IKZF3: variants seen among roughly 807,000 people sequenced by gnomAD.
The protein encoded by IKZF3 is IKAROS family zinc finger 3.
IKZF3 carries 10 observed loss-of-function variants against 49.0 expected under a neutral mutation model. The observed-to-expected ratio is 0.20, with a 90% CI of 0.13 to 0.35. The LOEUF is 0.35. Among genes scored for constraint, IKZF3 ranks in the 10% least tolerant of loss-of-function variants. IKZF3 has a pLI of 1.00. For synonymous variants in IKZF3, 209 were observed against 228.2 expected (o/e 0.92, Z 0.76); for missense variants, 498 against 664.8 (o/e 0.75, Z 2.76).
intron 7 of IKZF3, among the ~76,000 whole-genome samples, chr17:39,767,474 G>T (rs1356381495): frequency 4.6e-5 from 7 of 152,244 alleles, no homozygotes; most frequent in African/African-American, 1.4e-4. Flanking sequence ...AGGAAGTGGA[G>T]CCGAGTGCTG....
intron 1 of IKZF3, among the ~76,000 whole-genome samples, chr17:39,844,708 C>T (rs1000630226): frequency 6.6e-6 from 1 of 151,894 alleles, no homozygotes; most frequent in Non-Finnish European, 1.5e-5. Context: ...CGGCAACCTC[C>T]GCCTGCCCAG....
At chr17:39,850,742 A>G (rs1231796055) in intron 1 of IKZF3, among the ~76,000 whole-genome samples, 2 of 92,698 alleles carry the variant, frequency 2.2e-5, no homozygotes, top group East Asian at 2.6e-4. Flanking sequence ...AATAGGCTAT[A>G]TAGTATATAT....
chr17:39,818,219 T>C (rs1232522028), intron 3 of IKZF3, among the ~76,000 whole-genome samples: 1 of 152,232 alleles, frequency 6.6e-6, no homozygotes, highest in Non-Finnish European at 1.5e-5. Flanking sequence ...ACCACCACTG[T>C]TTTTGCAGTT....
intron 5 of IKZF3, among the ~76,000 whole-genome samples, chr17:39,789,540 G>A (rs557103051): frequency 6.6e-6 from 1 of 151,666 alleles, no homozygotes; most frequent in East Asian, 2.0e-4. Context: ...CCCAGCCTGG[G>A]CGGCAGAGTG....
At chr17:39,830,420 T>C (rs2062078440) in intron 2 of IKZF3, among the ~76,000 whole-genome samples, 2 of 152,146 alleles carry the variant, frequency 1.3e-5, no homozygotes, top group Non-Finnish European at 2.9e-5. Flanking sequence ...CTCTAACACA[T>C]GGTAGGCTCA....
chr17:39,803,122 C>T (rs897262715), intron 3 of IKZF3, among the ~76,000 whole-genome samples: 6 of 152,176 alleles, frequency 3.9e-5, no homozygotes, highest in African/African-American at 1.4e-4. Flanking sequence ...TCCAGCTGCT[C>T]AGCTGGGCTA....
chr17:39,798,532 G>A (rs563805092), intron 3 of IKZF3, among the ~76,000 whole-genome samples: 3 of 149,112 alleles, frequency 2.0e-5, no homozygotes, highest in Non-Finnish European at 4.4e-5. Flanking sequence ...TTGAGACGGA[G>A]TCTTTCTCTG....
chr17:39,801,728 A>G (rs1004203735), intron 3 of IKZF3, among the ~76,000 whole-genome samples: 4 of 152,208 alleles, frequency 2.6e-5, no homozygotes, highest in African/African-American at 7.2e-5. Flanking sequence ...TTTTAGAACT[A>G]AAGAGTAAGG....
chr17:39,767,802 C>T (rs868127910), intron 7 of IKZF3, among the ~76,000 whole-genome samples: 2 of 152,092 alleles, frequency 1.3e-5, no homozygotes, highest in African/African-American at 4.8e-5. Flanking sequence ...GTGGCTCAGG[C>T]CTGTAATCCT....
chr17:39,808,412 T>G (rs981596297), intron 3 of IKZF3, among the ~76,000 whole-genome samples: 22 of 152,228 alleles, frequency 1.4e-4, no homozygotes, highest in African/African-American at 5.1e-4. Flanking sequence ...ATTATCGATT[T>G]CAGACAAATA....
At chr17:39,820,395 CA>C (rs767333986) in intron 3 of IKZF3, among the ~76,000 whole-genome samples, 1 of 152,132 alleles carries the variant, frequency 6.6e-6, no homozygotes, top group Non-Finnish European at 1.5e-5. Flanking sequence ...TCAAAACTCA[CA>C]AAAAAGCCTG....
chr17:39,862,015 C>G, intron 1 of IKZF3, among the ~76,000 whole-genome samples: 1 of 152,046 alleles, frequency 6.6e-6, no homozygotes, highest in Middle Eastern at 3.2e-3. Flanking sequence ...ACCTCATTTC[C>G]CGACCATAAC....
intron 3 of IKZF3, among the ~76,000 whole-genome samples, chr17:39,813,923 G>A (rs982494264): frequency 9.9e-5 from 15 of 152,204 alleles, no homozygotes; most frequent in Admixed American, 5.9e-4. Context: ...GAGCCTCAGC[G>A]AGTGCCTAAG....
chr17:39,801,358 T>A (rs1292140874), intron 3 of IKZF3, among the ~76,000 whole-genome samples: 2 of 99,376 alleles, frequency 2.0e-5, no homozygotes, highest in African/African-American at 3.6e-5. Flanking sequence ...AGAAAGGGGG[T>A]GGGGGGGGGC....
chr17:39,824,091 T>C (rs555375208), intron 3 of IKZF3, among the ~76,000 whole-genome samples: 1 of 152,312 alleles, frequency 6.6e-6, no homozygotes, highest in African/African-American at 2.4e-5. Context: ...AAGGGGACTG[T>C]ACCCTGCAAA....
At chr17:39,773,383 C>T (rs1420132676) in intron 7 of IKZF3, among the ~76,000 whole-genome samples, 1 of 152,184 alleles carries the variant, frequency 6.6e-6, no homozygotes, top group Non-Finnish European at 1.5e-5. Context: ...GACATCAGGC[C>T]TTTGGGAAGG....
At chr17:39,850,770 A>ATACATTATATATATACATATATAATAGGC (rs2062834696) in intron 1 of IKZF3, among the ~76,000 whole-genome samples, 1 of 76,124 alleles carries the variant, frequency 1.3e-5, no homozygotes, top group Non-Finnish European at 2.6e-5. Context: ...ATTATATATA[A>ATACATTATATATATACATATATAATAGGC]TATATAGTAT....
chr17:39,824,822 A>G (rs2061913823), intron 3 of IKZF3, among the ~76,000 whole-genome samples: 1 of 151,974 alleles, frequency 6.6e-6, no homozygotes, highest in Admixed American at 6.6e-5. Context: ...CAGCCTCCCA[A>G]GTAGCTGGGA....
At chr17:39,837,671 CTG>C (rs1316628479) in intron 1 of IKZF3, among the ~76,000 whole-genome samples, 1 of 151,358 alleles carries the variant, frequency 6.6e-6, no homozygotes, top group Non-Finnish European at 1.5e-5. Flanking sequence ...CGGAGTCTCA[CTG>C]TGTTGCCCAG....
Sources: gnomAD v4.1 joint callset for allele counts (sites outside exome capture counted in the v4.1 genomes callset) on GRCh38, gnomAD v4.1.1 for gene constraint, MANE v1.5 for transcripts, NCBI Gene and HGNC (gene_info 2026-07-23, HGNC 2026-07-21) for gene names.